The following KIF13B variants were observed in gnomAD, a reference collection of about 807,000 sequenced individuals.
The protein encoded by KIF13B is kinesin-like protein KIF13B.
Under a neutral mutation model 222.0 loss-of-function variants are expected in KIF13B, and 127 were observed. That is an observed-to-expected ratio of 0.57 (90% CI 0.50 to 0.66). The LOEUF (loss-of-function observed/expected upper bound fraction) is 0.66. KIF13B is among the 30% of genes least tolerant of loss of function. The pLI is 0.00. For synonymous variants in KIF13B, 976 were observed against 919.0 expected (o/e 1.06, Z -1.12); for missense variants, 2,173 against 2,379.0 (o/e 0.91, Z 1.80).
At chr8:29,087,697 G>A (rs776764860) in intron 37 of KIF13B, among the ~76,000 whole-genome samples, 26 of 152,102 alleles carry the variant, frequency 1.7e-4, no homozygotes, top group Non-Finnish European at 3.2e-4. Context: ...CAAGCCCAGG[G>A]GGAACTCTTC....
chr8:29,200,123 A>C (rs998069352), intron 2 of KIF13B, among the ~76,000 whole-genome samples: 3 of 152,342 alleles, frequency 2.0e-5, no homozygotes, highest in Admixed American at 1.3e-4. Flanking sequence ...CAGTAAATTA[A>C]TTACAGAGCT....
At chr8:29,217,580 T>C (rs530049965) in intron 2 of KIF13B, among the ~76,000 whole-genome samples, 1 of 152,356 alleles carries the variant, frequency 6.6e-6, no homozygotes, top group South Asian at 2.1e-4. Flanking sequence ...ATCCTTGTGA[T>C]AATCTCAGTT....
In KIF13B at chr8:29,165,772, C is replaced by T. The variant is rs771289632; in HGVS notation, c.1159G>A (p.Ala387Thr). Reference protein sequence around the residue: ...KLREQLTKAEAMKSPELKDRL... With the variant: ...KLREQLTKAETMKSPELKDRL... Reference sequence around the variant, plus strand: ...TCCTTTAGCTCTGGAGATTTCATTGCCTACAAGCAAAATGTTTACTTCATG... The same window carrying T: ...TCCTTTAGCTCTGGAGATTTCATTGTCTACAAGCAAAATGTTTACTTCATG... The change falls in exon 12 of 40, where the codon GCA (alanine) becomes ACA (threonine). Residue 387 changes from alanine (A) to threonine (T), a missense_variant and splice_region_variant. Ala to Thr is a moderately conservative substitution (Grantham distance 58). Transcript: ENST00000524189. The T allele has an allele frequency of 5.2e-5, 83 of 1,602,758 alleles. No individual in the cohort carries two copies. Among genetic ancestry groups the T allele is most frequent in the Non-Finnish European group, 7.0e-5 (82 of 1,169,908 alleles).
intron 2 of KIF13B, among the ~76,000 whole-genome samples, chr8:29,228,436 C>A (rs1275746907): frequency 7.3e-6 from 1 of 137,740 alleles, no homozygotes; most frequent in African/African-American, 2.7e-5. Flanking sequence ...CACTGCACTC[C>A]AGCCTGGGTG....
Position 29,070,862 on chromosome 8 carries a change from C to A in KIF13B, c.5219-96G>T. 3 of 1,336,866 alleles carry A rather than the reference C, an allele frequency of 2.2e-6. No individual in the cohort carries two copies. The highest frequency in any genetic ancestry group is 3.1e-6 in the Non-Finnish European group (3 of 963,900). The allele number at this position is 1,336,866 out of a possible 1,614,324, so 82.8% of individuals were successfully genotyped here. ...CTGCAGAGGCCATGTGCCCACACTG[C>A]CACCCCCCCGCACAGGCCCTACACA... On this transcript the variant is annotated intron_variant, in intron 39 of 39. Transcript: ENST00000524189. The surrounding 1 kb of genome is among the most constrained non-coding windows in gnomAD (Gnocchi z 4.1).
chr8:29,208,458 G>A (rs140593093), intron 2 of KIF13B, among the ~76,000 whole-genome samples: 1 of 152,180 alleles, frequency 6.6e-6, no homozygotes, highest in Non-Finnish European at 1.5e-5. Flanking sequence ...GTGGGTCTGT[G>A]AATCCATGCT....
At chr8:29,191,216 T>C (rs566960017) in intron 3 of KIF13B, among the ~76,000 whole-genome samples, 159 bp from the exon 4 acceptor site, 7 of 152,324 alleles carry the variant, frequency 4.6e-5, no homozygotes, top group Admixed American at 4.6e-4. Flanking sequence ...CTAAACATGC[T>C]ATAGGTGATA....
intron 21 of KIF13B, among the ~76,000 whole-genome samples, chr8:29,139,544 C>T (rs1273649642): frequency 1.3e-5 from 2 of 152,204 alleles, no homozygotes; most frequent in African/African-American, 2.4e-5. Flanking sequence ...TTACAGAAAG[C>T]AGCCCAACTC....
chr8:29,226,552 T>TG (rs910659645), intron 2 of KIF13B, among the ~76,000 whole-genome samples: 25 of 152,274 alleles, frequency 1.6e-4, no homozygotes, highest in African/African-American at 6.0e-4. Flanking sequence ...ATCCAACCCT[T>TG]GGAGCAATTC....
At chr8:29,132,253 A>C (rs1563727725) in intron 23 of KIF13B, 55 bp downstream of exon 23, 4 of 1,321,824 alleles carry the variant, frequency 3.0e-6, no homozygotes, top group Non-Finnish European at 4.0e-6. Context: ...GTCTCAAAAA[A>C]CAAAAAAAAA....
intron 1 of KIF13B, among the ~76,000 whole-genome samples, chr8:29,247,575 T>C (rs183518797): frequency 6.6e-6 from 1 of 152,130 alleles, no homozygotes; most frequent in Admixed American, 6.5e-5. Context: ...ACGCCTGTAA[T>C]CCCAAGACTT....
chr8:29,191,913 G>A (rs369828156), intron 3 of KIF13B, among the ~76,000 whole-genome samples: 6 of 152,166 alleles, frequency 3.9e-5, no homozygotes, highest in African/African-American at 1.4e-4. Flanking sequence ...GTTTTAAAAT[G>A]TATCTCGGTT....
At position 29,071,944 on chromosome 8, in the gene KIF13B, G is replaced by A. The variant is rs1249374620; in HGVS notation, c.4894C>T (p.Arg1632Trp). ...GGGGCCTCGAGGTCGGGGCGCTCCC[G>A]ACCGGGGCTCACGAGCTGCTGGGGG... Reference protein sequence around the residue: ...PGPQQLVSPGRERPDLEAPAP... With the variant: ...PGPQQLVSPGWERPDLEAPAP... The change falls in exon 39 of 40, where the codon CGG becomes TGG. Residue 1632 changes from arginine to tryptophan, a missense_variant. Coordinates refer to ENST00000524189, the MANE Select transcript of KIF13B (RefSeq NM_015254.4). The surrounding 1 kb of genome is among the most constrained non-coding windows in gnomAD (Gnocchi z 4.9). The A allele has an allele frequency of 4.3e-6, 6 of 1,380,828 alleles. No individual in the cohort carries two copies. The highest frequency in any genetic ancestry group is 4.6e-6 in the Non-Finnish European group (5 of 1,075,606). 85.5% of individuals were successfully genotyped at this position (1,380,828 alleles called of 1,614,324 possible). A position where few individuals can be genotyped will look rare whatever the true frequency, so the allele number is the denominator to read the frequency against.
At chr8:29,075,925 G>A (rs1375896841) in intron 37 of KIF13B, among the ~76,000 whole-genome samples, 1 of 152,224 alleles carries the variant, frequency 6.6e-6, no homozygotes, top group Non-Finnish European at 1.5e-5. Flanking sequence ...ACACTGTCCG[G>A]GTGGGGACAC....
chr8:29,196,319 T>G, intron 2 of KIF13B, 120 bp from the exon 3 acceptor site: 1 of 827,922 alleles, frequency 1.2e-6, no homozygotes. Flanking sequence ...AAATTCACAG[T>G]AAGAATATAA....
intron 2 of KIF13B, among the ~76,000 whole-genome samples, chr8:29,234,347 G>T (rs1815414836): frequency 6.6e-6 from 1 of 151,928 alleles, no homozygotes; most frequent in African/African-American, 2.4e-5. Context: ...AAAAAGGAAG[G>T]AAATTCTAAC....
At chr8:29,128,395 T>C (rs1810206856) in intron 24 of KIF13B, among the ~76,000 whole-genome samples, 1 of 152,216 alleles carries the variant, frequency 6.6e-6, no homozygotes, top group African/African-American at 2.4e-5. Context: ...CCAAGAGCTC[T>C]GCATGATCAG....
intron 24 of KIF13B, among the ~76,000 whole-genome samples, chr8:29,129,114 A>G (rs905096446): frequency 1.3e-5 from 2 of 152,240 alleles, no homozygotes; most frequent in African/African-American, 4.8e-5. Context: ...AACTTGCATG[A>G]TTTTTTCAAT....
chr8:29,209,909 C>T (rs1019938244), intron 2 of KIF13B, among the ~76,000 whole-genome samples: 7 of 141,334 alleles, frequency 5.0e-5, no homozygotes, highest in African/African-American at 1.8e-4. Flanking sequence ...AAAAAAATAG[C>T]TGGGTGTGGT....
Sources: allele counts gnomAD v4.1 joint callset (sites outside exome capture counted in the v4.1 genomes callset), GRCh38; gene constraint gnomAD v4.1.1; non-coding constraint Gnocchi (gnomAD v3.1); transcripts MANE v1.5; gene names NCBI Gene and HGNC (gene_info 2026-07-23, HGNC 2026-07-21).